The following FHIT variants were observed in gnomAD, a reference collection of about 807,000 sequenced individuals.
FHIT encodes the protein fragile histidine triad diadenosine triphosphatase, also known as bis(5'-adenosyl)-triphosphatase.
In FHIT, 19 loss-of-function variants were observed where a neutral mutation model predicts 17.9. The ratio of observed to expected loss-of-function variants is 1.06; its 90% CI spans 0.74 to 1.56. The LOEUF (loss-of-function observed/expected upper bound fraction) is 1.56, where lower values mean the gene tolerates loss of function less well. FHIT is among the 40% of genes most tolerant of loss of function. The probability of loss-of-function intolerance (pLI) is 0.00; values close to 1 mark genes in which losing one functional copy is unlikely to be tolerated. For missense variants in FHIT, 248 were observed against 189.2 expected, an observed-to-expected ratio of 1.31 and a Z score of -1.82; for synonymous variants, 81 against 69.7, an observed-to-expected ratio of 1.16 and a Z score of -0.81.
At chr3:59,796,873 T>C (rs1699798392) in intron 8 of FHIT, among the ~76,000 whole-genome samples, 2 of 152,238 alleles carry the variant, frequency 1.3e-5, no homozygotes, top group Admixed American at 1.3e-4. Flanking sequence ...TAAAGTCATA[T>C]ATTAATAGAA....
At chr3:60,600,426 C>T (rs1210713579) in intron 4 of FHIT, among the ~76,000 whole-genome samples, 2 of 152,018 alleles carry the variant, frequency 1.3e-5, no homozygotes, top group Non-Finnish European at 2.9e-5. Context: ...TACAGAATCA[C>T]ACTCCCCACC....
chr3:60,149,984 GC>G (rs66584330), intron 5 of FHIT, among the ~76,000 whole-genome samples: 32,884 of 78,122 alleles, frequency 0.42, 5,806 homozygotes, highest in Non-Finnish European at 0.49. Flanking sequence ...AAACCTTTAA[GC>G]CTTTTTTTTT....
At chr3:60,947,972 A>G (rs1355623881) in intron 3 of FHIT, among the ~76,000 whole-genome samples, 1 of 152,226 alleles carries the variant, frequency 6.6e-6, no homozygotes, top group Admixed American at 6.5e-5. Context: ...TCTTTAGCCC[A>G]TAGAGGGGAC....
chr3:60,236,392 A>G (rs1219675489), intron 5 of FHIT, among the ~76,000 whole-genome samples: 1 of 151,706 alleles, frequency 6.6e-6, no homozygotes, highest in East Asian at 1.9e-4. Context: ...TGATGAATGA[A>G]GCAAGCCAAC....
chr3:59,966,540 C>CTA (rs767642234), intron 7 of FHIT, among the ~76,000 whole-genome samples: 7 of 152,168 alleles, frequency 4.6e-5, no homozygotes, highest in Non-Finnish European at 1.0e-4. Flanking sequence ...AGGCTATATG[C>CTA]TATACCCTTC....
At chr3:60,517,375 A>G (rs9311767) in intron 5 of FHIT, among the ~76,000 whole-genome samples, 77,792 of 152,014 alleles carry the variant, frequency 0.51, 20,655 homozygotes, top group African/African-American at 0.65. Flanking sequence ...ATTCTTTGAC[A>G]TTTTATTCCC....
chr3:61,054,254 T>C (rs1025128046), intron 2 of FHIT, among the ~76,000 whole-genome samples: 9 of 152,240 alleles, frequency 5.9e-5, no homozygotes, highest in Non-Finnish European at 1.3e-4. Context: ...GAGGTTGTGC[T>C]AATAAATTCC....
chr3:59,840,237 T>G (rs1302492719), intron 8 of FHIT, among the ~76,000 whole-genome samples: 1 of 152,072 alleles, frequency 6.6e-6, no homozygotes, highest in African/African-American at 2.4e-5. Context: ...AAAATGCAAC[T>G]GTGTAATTAT....
chr3:61,084,659 T>A (rs973220087), intron 2 of FHIT, among the ~76,000 whole-genome samples: 6 of 152,226 alleles, frequency 3.9e-5, no homozygotes, highest in Non-Finnish European at 5.9e-5. Flanking sequence ...ACTTTTTAAA[T>A]ACATTTATTG....
At chr3:60,685,327 A>C (rs1053017714) in intron 4 of FHIT, among the ~76,000 whole-genome samples, 1 of 152,170 alleles carries the variant, frequency 6.6e-6, no homozygotes, top group Non-Finnish European at 1.5e-5. Context: ...CCAGCTAAAA[A>C]ACCCTAAGAG....
At chr3:59,944,961 T>C (rs918331990) in intron 7 of FHIT, among the ~76,000 whole-genome samples, 1 of 152,212 alleles carries the variant, frequency 6.6e-6, no homozygotes, top group African/African-American at 2.4e-5. Flanking sequence ...ATGCCTTTGC[T>C]ATTATGAAAA....
chr3:61,206,508 TA>T (rs1194903956), intron 1 of FHIT, among the ~76,000 whole-genome samples: 1 of 152,202 alleles, frequency 6.6e-6, no homozygotes, highest in Non-Finnish European at 1.5e-5. Context: ...CAGTGGTTTG[TA>T]GTTCTCCTTG....
At chr3:60,148,783 A>G (rs1700343221) in intron 5 of FHIT, among the ~76,000 whole-genome samples, 1 of 152,222 alleles carries the variant, frequency 6.6e-6, no homozygotes, top group African/African-American at 2.4e-5. Context: ...AGAAAGACAC[A>G]TTATTTCAAT....
chr3:60,257,778 G>C (rs1706077286), intron 5 of FHIT, among the ~76,000 whole-genome samples: 1 of 152,150 alleles, frequency 6.6e-6, no homozygotes, highest in African/African-American at 2.4e-5. Flanking sequence ...ACTATCCTTA[G>C]CAAACTAACT....
In FHIT at chr3:60,624,722, A is replaced by G. The variant is rs116050567; in HGVS notation, c.-17-87743T>C. On this transcript the variant is annotated intron_variant, in intron 4 of 9. Coordinates refer to ENST00000492590, the MANE Select transcript of FHIT (RefSeq NM_002012.4). ...TGACCCTCTGGCTGTCCATTATTCC[A>G]TATGTGGTCTTTTCTGACTGGCTTC... is the stretch of plus-strand genomic sequence containing the variant. 2.3e-3 allele frequency among the ~76,000 whole-genome samples: 354 copies of G among 152,258 alleles called. 2 individuals carry two copies. The highest frequency in any genetic ancestry group is 8.0e-3 in the African/African-American group (334 of 41,552).
chr3:59,798,796 A>G, intron 8 of FHIT, among the ~76,000 whole-genome samples: 1 of 152,128 alleles, frequency 6.6e-6, no homozygotes, highest in Admixed American at 6.6e-5. Context: ...CAGTTGTTTG[A>G]CTCTGTGGTT....
At position 60,525,043 on chromosome 3, in the gene FHIT, T is replaced by C. The variant is rs896078773; in HGVS notation, c.103+11817A>G. On this transcript the variant is annotated intron_variant, in intron 5 of 9. Transcript: ENST00000492590. ...GGATGGAGGAGTACAAGTAGGAACCTTGTCAATCACTGTGATAACTTTGGC... is the reference window on the plus strand; with the variant it reads ...GGATGGAGGAGTACAAGTAGGAACCCTGTCAATCACTGTGATAACTTTGGC... Among the ~76,000 whole-genome samples the C allele has an allele frequency of 3.3e-5, 5 of 152,186 alleles. No individual in the cohort carries two copies. The South Asian group carries it at 1.0e-3, about 32-fold the overall frequency.
At position 59,846,193 on chromosome 3, in the gene FHIT, T is replaced by C. The variant is rs113711038; in HGVS notation, c.348+76153A>G. The stretch of plus-strand genomic sequence containing the variant: ...CATTTCCTGTATTCCTGTCTTCTTT[T>C]GTGTTTGGTTGATTTCTTGTTTTGA... On this transcript the variant is annotated intron_variant, in intron 8 of 9. Transcript: ENST00000492590. Among the ~76,000 whole-genome samples, 771 of 152,242 alleles carry C rather than the reference T, an allele frequency of 5.1e-3. 4 individuals carry two copies. The highest frequency in any genetic ancestry group is 0.016 in the African/African-American group (685 of 41,574).
chr3:60,224,351 T>C (rs985491678), intron 5 of FHIT, among the ~76,000 whole-genome samples: 55 of 152,130 alleles, frequency 3.6e-4, no homozygotes, highest in African/African-American at 1.2e-3. Flanking sequence ...AGGCAGTAGA[T>C]AGATTTTTAC....
Sources: gnomAD v4.1 joint callset for allele counts (sites outside exome capture counted in the v4.1 genomes callset) on GRCh38, gnomAD v4.1.1 for gene constraint, MANE v1.5 for transcripts, NCBI Gene and HGNC (gene_info 2026-07-23, HGNC 2026-07-21) for gene names.